The following TRRAP variants were observed in gnomAD, a reference collection of about 807,000 sequenced individuals.
TRRAP encodes the protein transformation/transcription domain-associated protein.
A neutral mutation model predicts 438.8 loss-of-function variants in TRRAP; 41 were observed. The observed-to-expected ratio is 0.09, with a 90% CI of 0.07 to 0.12. The LOEUF (loss-of-function observed/expected upper bound fraction) is 0.12, where lower values mean the gene tolerates loss of function less well. TRRAP is among the 10% of genes least tolerant of loss of function. TRRAP has a pLI of 1.00. For missense variants in TRRAP, 3,122 were observed against 5,055.1 expected (o/e 0.62, Z 11.60); for synonymous variants, 1,994 against 1,962.9 (o/e 1.02, Z -0.42).
rs117591954 is a variant in TRRAP at position 98,965,518 on chromosome 7, A to G, written c.6977-178A>G. On this transcript the variant is annotated intron_variant, in intron 48 of 72. Transcript: ENST00000456197. ...CATCCCTCTCCCTGCAGAGAGGGCTACATTTCCAAGATGCACGTAAGAACA... is the reference window on the plus strand; with the variant it reads ...CATCCCTCTCCCTGCAGAGAGGGCTGCATTTCCAAGATGCACGTAAGAACA... 5.0e-3 allele frequency among the ~76,000 whole-genome samples: 761 copies of G among 152,298 alleles called. 4 individuals carry two copies. Among genetic ancestry groups the G allele is most frequent in the South Asian group, 0.012 (60 of 4,826 alleles).
intron 62 of TRRAP, among the ~76,000 whole-genome samples, chr7:98,988,505 T>TTC (rs760278197): frequency 1.3e-5 from 2 of 152,134 alleles, no homozygotes; most frequent in South Asian, 2.1e-4. Context: ...AGAAGCCAGA[T>TTC]TCAAAAGATC....
chr7:98,966,148 T>C (rs543582500), intron 49 of TRRAP, among the ~76,000 whole-genome samples: 9 of 151,626 alleles, frequency 5.9e-5, no homozygotes, highest in Admixed American at 1.3e-4. Flanking sequence ...CTACTAAAAA[T>C]ACAAAAAATT....
In TRRAP at chr7:98,994,456, G is replaced by A. The variant is rs1793562861; in HGVS notation, c.10048-131G>A. On this transcript the variant is annotated intron_variant, in intron 66 of 72. Transcript: ENST00000456197. This position sits in a 1 kb window ranked among gnomAD's most constrained non-coding sequence, Gnocchi z 4.8. ...TGCACACGCCGATTTCATGCCTGCTGTGTGTGGGTCCTGCCGGGGAGTGCA... is the reference window on the plus strand; with the variant it reads ...TGCACACGCCGATTTCATGCCTGCTATGTGTGGGTCCTGCCGGGGAGTGCA... 5.3e-6 allele frequency: 7 copies of A among 1,319,732 alleles called. No individual in the cohort carries two copies. Among genetic ancestry groups the A allele is most frequent in the Non-Finnish European group, 6.3e-6 (6 of 952,260 alleles). The allele number at this position is 1,319,732 out of a possible 1,614,324, so 81.8% of individuals were successfully genotyped here. A position where few individuals can be genotyped will look rare whatever the true frequency, so the allele number is the denominator to read the frequency against.
In TRRAP at chr7:98,953,221, C is replaced by T; in HGVS notation, c.5518C>T (p.Leu1840=). 2 of 1,613,562 alleles carry T rather than the reference C, an allele frequency of 1.2e-6. No individual in the cohort carries two copies. The highest frequency in any genetic ancestry group is 3.3e-4 in the Middle Eastern group (2 of 6,062). ...GCTGGACTCGCTGCGGATCTACCTG[C>T]TGCAGTACGCCACGCTGCTGGTGGA... ...DMLDSLRIYL[L]QYATLLVEHA... The change falls in exon 40 of 73, where the codon CTG becomes TTG. Residue 1840 remains leucine, a synonymous_variant. Transcript: ENST00000456197.
chr7:98,948,477 C>T lies in TRRAP; in HGVS notation c.4669-89C>T. On this transcript the variant is annotated intron_variant, in intron 34 of 72. Transcript: ENST00000456197. The surrounding 1 kb of genome is among the most constrained non-coding windows in gnomAD (Gnocchi z 4.9). ...ACATTTGCTTGTGGGTGTTCATGCACTCCAGTAACAAGGGACCTTGTTAGG... is the reference window on the plus strand; with the variant it reads ...ACATTTGCTTGTGGGTGTTCATGCATTCCAGTAACAAGGGACCTTGTTAGG... 6.2e-7 allele frequency: 1 copy of T among 1,611,900 alleles called. No individual in the cohort carries two copies. The highest frequency in any genetic ancestry group is 8.5e-7 in the Non-Finnish European group (1 of 1,179,230).
intron 12 of TRRAP, among the ~76,000 whole-genome samples, chr7:98,903,835 C>T (rs998014471): frequency 2.6e-5 from 4 of 152,166 alleles, no homozygotes; most frequent in Admixed American, 6.5e-5. Flanking sequence ...TCACATCTTA[C>T]GTGGATGGTG....
At chr7:98,975,470 G>T (rs1229006448) in intron 53 of TRRAP, among the ~76,000 whole-genome samples, 1 of 152,224 alleles carries the variant, frequency 6.6e-6, no homozygotes, top group Non-Finnish European at 1.5e-5. Context: ...TGTTAATAAG[G>T]AATGTTGGCA....
chr7:98,965,829 C>T lies in TRRAP; in HGVS notation c.7110C>T (p.Ile2370=), dbSNP rs1351212568. ...SLIEKSPDAK[I]LRAVVKIVEE... ...TCGAAAAATCACCAGATGCCAAAAT[C>T]CTCCGGGCTGTGGTCAAAATCGTGG... Residue 2370 remains isoleucine, a synonymous_variant, in exon 49 of 73, where the codon ATC becomes ATT. Coordinates refer to ENST00000456197, the MANE Select transcript of TRRAP (RefSeq NM_001375524.1). The T allele has an allele frequency of 2.5e-6, 4 of 1,614,018 alleles. No individual in the cohort carries two copies. Among genetic ancestry groups the T allele is most frequent in the Non-Finnish European group, 3.4e-6 (4 of 1,180,032 alleles).
chr7:98,966,254 T>G (rs1412845413), intron 49 of TRRAP, among the ~76,000 whole-genome samples: 1 of 151,404 alleles, frequency 6.6e-6, no homozygotes, highest in Admixed American at 6.6e-5. Context: ...TGCGGTGAGC[T>G]GAGATCACGC....
intron 67 of TRRAP, chr7:98,999,050 G>T: frequency 1.1e-6 from 1 of 911,250 alleles, no homozygotes; most frequent in Non-Finnish European, 1.7e-6. Context: ...GATGGGAGGA[G>T]AAGGCAGCCA....
At chr7:99,000,463 C>A (rs1793866753) in intron 67 of TRRAP, among the ~76,000 whole-genome samples, 1 of 152,326 alleles carries the variant, frequency 6.6e-6, no homozygotes, top group East Asian at 1.9e-4. Context: ...AAACTGCTAC[C>A]CCAGTGAGGG....
chr7:98,991,432 G>A (rs905892745), intron 64 of TRRAP, among the ~76,000 whole-genome samples: 7 of 152,210 alleles, frequency 4.6e-5, no homozygotes, highest in African/African-American at 1.4e-4. Flanking sequence ...CCTTGAGGAG[G>A]CAGCTGTGTT....
In TRRAP at chr7:99,012,067, G is replaced by GC; in HGVS notation, c.11338-3dup. On this transcript the variant is annotated splice_region_variant and splice_polypyrimidine_tract_variant and intron_variant, in intron 72 of 72. Transcript: ENST00000456197. The surrounding 1 kb of genome is among the most constrained non-coding windows in gnomAD (Gnocchi z 5.9). The stretch of plus-strand genomic sequence containing the variant: ...CAAGTCGTCTCGTTCTCTCCCTCAC[G>GC]CAGGTGGATGGCATTCTGAAAACGG... The GC allele has an allele frequency of 6.2e-7, 1 of 1,612,394 alleles. No homozygotes were observed. The highest frequency in any genetic ancestry group is 8.5e-7 in the Non-Finnish European group (1 of 1,178,514).
intron 59 of TRRAP, 58 bp downstream of exon 59, chr7:98,982,018 G>T (rs56211501): frequency 1.4e-6 from 2 of 1,443,584 alleles, no homozygotes; most frequent in Non-Finnish European, 9.1e-7. Context: ...CCAAGCGCCG[G>T]TGTCCAGGCT....
In TRRAP at chr7:98,943,025, A is replaced by T. The variant is rs782484570; in HGVS notation, c.4473+8A>T. 1 of 1,614,004 alleles carries T rather than the reference A, an allele frequency of 6.2e-7. No individual in the cohort carries two copies. Among genetic ancestry groups the T allele is most frequent in the East Asian group, 2.2e-5 (1 of 44,880 alleles). ...CAGAGGAGCGACGGAAACGTGAGTG[A>T]CTTGTTTGTTTCTGGGAAGGGCACC... On this transcript the variant is annotated splice_region_variant and intron_variant, in intron 31 of 72. Transcript: ENST00000456197.
intron 23 of TRRAP, among the ~76,000 whole-genome samples, chr7:98,928,179 G>A (rs1008239542): frequency 2.0e-5 from 3 of 152,046 alleles, no homozygotes; most frequent in African/African-American, 7.2e-5. Context: ...CGGAGGTTGT[G>A]GTGAGCAGAG....
chr7:98,924,423 C>T (rs12705017), intron 21 of TRRAP, among the ~76,000 whole-genome samples: 106,455 of 152,074 alleles, frequency 0.7, 41,762 homozygotes, highest in South Asian at 0.88. Flanking sequence ...AGACTGGTGC[C>T]GTGGCTTAGT....
At chr7:98,947,847 C>T (rs1244219542) in intron 33 of TRRAP, among the ~76,000 whole-genome samples, 2 of 152,216 alleles carry the variant, frequency 1.3e-5, no homozygotes, top group Non-Finnish European at 2.9e-5. Flanking sequence ...AGGGCATCCT[C>T]ACACTGCTCT....
chr7:98,971,831 G>C lies in TRRAP; in HGVS notation c.7725G>C (p.Gly2575=). The C allele has an allele frequency of 6.2e-7, 1 of 1,614,082 alleles. No homozygotes were observed. Among genetic ancestry groups the C allele is most frequent in the Non-Finnish European group, 8.5e-7 (1 of 1,180,030 alleles). ...DVEIDIELAP[G]DQTSTPKTKE... ...AGATAGACATCGAACTAGCTCCTGG[G>C]GATCAGACCAGCACGCCCAAAACCA... is the stretch of plus-strand genomic sequence containing the variant. Residue 2575 remains glycine (G), a synonymous_variant, in exon 53 of 73, where the codon GGG becomes GGC. Transcript: ENST00000456197.
Sources: allele counts gnomAD v4.1 joint callset (sites outside exome capture counted in the v4.1 genomes callset), GRCh38; gene constraint gnomAD v4.1.1; non-coding constraint Gnocchi (gnomAD v3.1); transcripts MANE v1.5; gene names NCBI Gene and HGNC (gene_info 2026-07-23, HGNC 2026-07-21).